The following SDC3 variants were observed in gnomAD, a reference collection of about 807,000 sequenced individuals.
The protein encoded by SDC3 is syndecan-3.
Under a neutral mutation model 24.4 loss-of-function variants are expected in SDC3, and 13 were observed. The observed-to-expected ratio is 0.53, with a 90% CI of 0.35 to 0.85. The LOEUF (loss-of-function observed/expected upper bound fraction) is 0.85. Ranked by LOEUF, SDC3 falls within the 40% of genes least tolerant of loss-of-function variation. The pLI is 0.01. For synonymous variants in SDC3, 295 were observed against 260.9 expected (o/e 1.13, Z -1.26); for missense variants, 571 against 584.5 (o/e 0.98, Z 0.24).
At chr1:30,890,433 G>T (rs1639887606) in intron 1 of SDC3, among the ~76,000 whole-genome samples, 1 of 152,196 alleles carries the variant, frequency 6.6e-6, no homozygotes, top group Admixed American at 6.5e-5. Context: ...TGAAATGTCT[G>T]GGATAGGCAA....
chr1:30,908,242 A>C, intron 1 of SDC3, among the ~76,000 whole-genome samples: 2 of 97,750 alleles, frequency 2.0e-5, no homozygotes, highest in Non-Finnish European at 4.1e-5. Context: ...GATGCCAGCT[A>C]GGGGGAGATT....
intron 3 of SDC3, among the ~76,000 whole-genome samples, chr1:30,875,334 C>A (rs1478476399): frequency 6.6e-6 from 1 of 152,228 alleles, no homozygotes; most frequent in Non-Finnish European, 1.5e-5. Context: ...GCAACCTGGG[C>A]CCTGTGCACC....
intron 1 of SDC3, among the ~76,000 whole-genome samples, chr1:30,885,253 T>C (rs557691395): frequency 6.6e-6 from 1 of 152,220 alleles, no homozygotes; most frequent in African/African-American, 2.4e-5. Context: ...GCTATTAATA[T>C]GAGTATCATC....
At chr1:30,885,317 A>G (rs1639812253) in intron 1 of SDC3, among the ~76,000 whole-genome samples, 1 of 152,226 alleles carries the variant, frequency 6.6e-6, no homozygotes, top group Admixed American at 6.5e-5. Flanking sequence ...TCCTGTTTTA[A>G]TGAACTCACT....
Position 30,876,702 on chromosome 1 carries a change from G to A in SDC3, c.720C>T (p.Asp240=). 6.2e-7 allele frequency: 1 copy of A among 1,601,018 alleles called. No homozygotes were observed. Among genetic ancestry groups the A allele is most frequent in the Non-Finnish European group, 8.5e-7 (1 of 1,173,172 alleles). ...CCAGCCTGGGTGTTGGGGCCTCGGTGTCCAAGACAGCCGCCGTGGTGGGCG... is the reference window on the plus strand; with the variant it reads ...CCAGCCTGGGTGTTGGGGCCTCGGTATCCAAGACAGCCGCCGTGGTGGGCG... ...PSPPTTAAVL[D]TEAPTPRLVS... The change falls in exon 3 of 5, where the codon GAC becomes GAT. Residue 240 remains aspartate, a synonymous_variant. Transcript: ENST00000339394.
At chr1:30,893,831 C>G (rs996239214) in intron 1 of SDC3, among the ~76,000 whole-genome samples, 2 of 152,172 alleles carry the variant, frequency 1.3e-5, no homozygotes, top group African/African-American at 2.4e-5. Flanking sequence ...CCTGCTACCC[C>G]CTAGCCTGCC....
chr1:30,878,832 G>T, intron 1 of SDC3, 92 bp from the exon 2 acceptor site: 1 of 947,756 alleles, frequency 1.1e-6, no homozygotes, highest in Non-Finnish European at 1.7e-6. Flanking sequence ...TGTGGGCTGA[G>T]TGACATCCAC....
rs201560193 is a variant in SDC3 at position 30,874,395 on chromosome 1, C to A, written c.1064G>T (p.Arg355Leu). Residue 355 changes from arginine (R) to leucine (L), a missense_variant, in exon 4 of 5, where the codon CGC becomes CTC. Transcript: ENST00000339394. ...ATTGTCCAGGAGGCCAGGGCCCGGG[C>A]GGGCACCCTTGGGCAGTGTCCCAGG... ...SPPGTLPKGA[R>L]PGPGLLDNAI... 9 of 1,613,928 alleles carry A rather than the reference C, an allele frequency of 5.6e-6. No homozygotes were observed. In the East Asian group the frequency reaches 1.3e-4, roughly 24 times the overall value.
chr1:30,879,005 C>A (rs578215278), intron 1 of SDC3: 1 of 450,404 alleles, frequency 2.2e-6, no homozygotes, highest in East Asian at 3.9e-5. Context: ...TTCATCTTGA[C>A]TGCACATCTG....
intron 1 of SDC3, among the ~76,000 whole-genome samples, chr1:30,898,266 T>C (rs1638325434): frequency 6.6e-6 from 1 of 152,178 alleles, no homozygotes; most frequent in Non-Finnish European, 1.5e-5. Context: ...TCTCAGACTT[T>C]GTCCATCCTA....
At chr1:30,895,891 A>G (rs1639992606) in intron 1 of SDC3, among the ~76,000 whole-genome samples, 1 of 151,814 alleles carries the variant, frequency 6.6e-6, no homozygotes, top group African/African-American at 2.4e-5. Flanking sequence ...GGGGCTGAGC[A>G]GAGACGGAGG....
intron 1 of SDC3, among the ~76,000 whole-genome samples, chr1:30,900,252 G>T (rs1306287910): frequency 6.6e-6 from 1 of 152,206 alleles, no homozygotes; most frequent in Non-Finnish European, 1.5e-5. Context: ...GATAAAGCAT[G>T]TTAAGCACTT....
intron 1 of SDC3, among the ~76,000 whole-genome samples, chr1:30,900,830 G>A (rs182197343): frequency 2.0e-5 from 3 of 152,190 alleles, no homozygotes; most frequent in Non-Finnish European, 1.5e-5. Flanking sequence ...AGGATGGATG[G>A]GGGGGTCCTA....
chr1:30,882,286 C>T (rs1639756356), intron 1 of SDC3, among the ~76,000 whole-genome samples: 1 of 152,204 alleles, frequency 6.6e-6, no homozygotes, highest in Non-Finnish European at 1.5e-5. Flanking sequence ...ATGTGGCACC[C>T]TTCCTAGTGG....
intron 1 of SDC3, among the ~76,000 whole-genome samples, chr1:30,906,927 G>C (rs1638529475): frequency 6.6e-6 from 1 of 152,178 alleles, no homozygotes; most frequent in Non-Finnish European, 1.5e-5. Flanking sequence ...CTGGGAATGA[G>C]ACATCCTGGC....
chr1:30,874,322 G>C lies in SDC3; in HGVS notation c.1137C>G (p.Ile379Met), dbSNP rs753607812. 1.1e-5 allele frequency: 18 copies of C among 1,612,110 alleles called. No homozygotes were observed. The highest frequency in any genetic ancestry group is 1.5e-5 in the Non-Finnish European group (18 of 1,179,392). ...CTACGAGCACCTCCTTCCGCTCCAG[G>C]ATACTCTTCTGAGGCAGCTGAGCAG... The part of the protein sequence containing the change: ...SSAAQLPQKS[I>M]LERKEVLVAV... The change falls in exon 4 of 5, where the codon ATC (isoleucine) becomes ATG (methionine). Residue 379 changes from isoleucine (I) to methionine (M), a missense_variant. Ile to Met is a conservative substitution (Grantham distance 10). Around this residue, in one of 2 missense-constraint regions of SDC3, gnomAD observed 74 missense variants for 112.9 expected, o/e 0.66. Coordinates refer to ENST00000339394, the MANE Select transcript of SDC3 (RefSeq NM_014654.4).
rs187071572 is a variant in SDC3 at position 30,897,863 on chromosome 1, T to A, written c.138+10586A>T. On this transcript the variant is annotated intron_variant, in intron 1 of 4. Transcript: ENST00000339394. ...AAGGATTGTTTATAGATGAAACATT[T>A]GGCCGAGTGTTTTGCGAGTGGCAGG... Among the ~76,000 whole-genome samples, 74 of 152,342 alleles carry A rather than the reference T, an allele frequency of 4.9e-4. No homozygotes were observed. The East Asian group carries it at 0.011, about 23-fold the overall frequency.
At chr1:30,888,471 C>T (rs1008621985) in intron 1 of SDC3, among the ~76,000 whole-genome samples, 1 of 152,184 alleles carries the variant, frequency 6.6e-6, no homozygotes, top group Non-Finnish European at 1.5e-5. Flanking sequence ...TCAGCCTGAG[C>T]AGGCCCAGAC....
At chr1:30,884,339 C>T (rs1639796784) in intron 1 of SDC3, among the ~76,000 whole-genome samples, 1 of 152,060 alleles carries the variant, frequency 6.6e-6, no homozygotes, top group Admixed American at 6.6e-5. Context: ...AACTCACACA[C>T]TCAAGCCTCT....
Sources: gnomAD v4.1 joint callset for allele counts (sites outside exome capture counted in the v4.1 genomes callset) on GRCh38, gnomAD v4.1.1 for gene constraint, gnomAD v4.1.1 regional missense constraint, MANE v1.5 for transcripts, NCBI Gene and HGNC (gene_info 2026-07-23, HGNC 2026-07-21) for gene names.